ARL10: variants seen among roughly 807,000 people sequenced by gnomAD.
ARL10 encodes the protein ADP-ribosylation factor-like protein 10.
Under a neutral mutation model 26.1 loss-of-function variants are expected in ARL10, and 23 were observed. The ratio of observed to expected loss-of-function variants is 0.88; its 90% CI spans 0.63 to 1.25. The LOEUF (loss-of-function observed/expected upper bound fraction) is 1.25. Ranked by LOEUF, ARL10 falls within the 50% of genes most tolerant of loss-of-function variation. The pLI, the probability that ARL10 is intolerant of heterozygous loss-of-function variation, is 0.00. For missense variants in ARL10, 300 were observed against 323.6 expected, an observed-to-expected ratio of 0.93 and a Z score of 0.56; for synonymous variants, 138 against 149.1, an observed-to-expected ratio of 0.93 and a Z score of 0.54.
chr5:176,384,525 G>T, downstream of ARL10: 2 of 743,034 alleles, frequency 2.7e-6, no homozygotes, highest in East Asian at 2.6e-5. Flanking sequence ...AGTGGCTCAT[G>T]CCTGTAATCC....
At chr5:176,388,461 G>C (rs762354832) in exon 2 of ARL10, 1 of 1,614,186 alleles carries the variant, frequency 6.2e-7, no homozygotes, top group Non-Finnish European at 8.5e-7. Flanking sequence ...GCCTTCCGTC[G>C]AGCATTCCGG....
intron 1 of ARL10, among the ~76,000 whole-genome samples, chr5:176,394,772 G>A (rs887033355): frequency 5.9e-5 from 9 of 151,842 alleles, no homozygotes; most frequent in African/African-American, 1.9e-4. Flanking sequence ...CTGAGATCAT[G>A]CCACTGCACT....
In ARL10 at chr5:176,372,177, T is replaced by G; in HGVS notation, c.*282T>G. ...ATGTGGATCCAGCTTTCCCTTCTCTTACCTGTACAGTGAGATGCTCAGTGG... is the reference window on the plus strand; with the variant it reads ...ATGTGGATCCAGCTTTCCCTTCTCTGACCTGTACAGTGAGATGCTCAGTGG... On this transcript the variant is annotated 3_prime_UTR_variant, in exon 4 of 4. Transcript: ENST00000310389. 1 of 1,021,874 alleles carries G rather than the reference T, an allele frequency of 9.8e-7. No homozygotes were observed. The highest frequency in any genetic ancestry group is 1.3e-6 in the Non-Finnish European group (1 of 768,536). The allele number at this position is 1,021,874 out of a possible 1,614,324, so 63.3% of individuals were successfully genotyped here.
At chr5:176,410,440 G>GAT in the ARL10 span, 10 of 649,390 alleles carry the variant, frequency 1.5e-5, no homozygotes, top group Admixed American at 2.6e-5. Flanking sequence ...AGACATAATG[G>GAT]ATATATATAT....
chr5:176,409,176 G>A, the ARL10 span, among the ~76,000 whole-genome samples: 3 of 151,174 alleles, frequency 2.0e-5, no homozygotes, highest in Admixed American at 1.3e-4. Context: ...CGGTTTCACC[G>A]TGTTAGCCAG....
chr5:176,387,023 T>C (rs906097508), intron 1 of ARL10: 16 of 839,006 alleles, frequency 1.9e-5, no homozygotes, highest in African/African-American at 1.5e-4. Flanking sequence ...CACGGTTAGG[T>C]AGAAGTAGGT....
intron 1 of ARL10, among the ~76,000 whole-genome samples, chr5:176,394,882 T>C (rs577142216): frequency 6.6e-6 from 1 of 152,062 alleles, no homozygotes; most frequent in Non-Finnish European, 1.5e-5. Context: ...GGGTGCTCTC[T>C]GGGCCATTTC....
downstream of ARL10, among the ~76,000 whole-genome samples, chr5:176,391,943 T>A (rs775897245): frequency 2.6e-5 from 4 of 152,200 alleles, no homozygotes; most frequent in Non-Finnish European, 4.4e-5. Flanking sequence ...TTTTTAAACA[T>A]CATGCAGGTC....
chr5:176,393,049 C>T, downstream of ARL10: 3 of 1,300,612 alleles, frequency 2.3e-6, no homozygotes, highest in Non-Finnish European at 3.3e-6. This position sits in a 1 kb window ranked among gnomAD's most constrained non-coding sequence, Gnocchi z 4.4. Flanking sequence ...ACTGTGTCCT[C>T]CCCAGCCTTG....
rs767722802 is a variant in ARL10, at chr5:176,368,900, G to A, written c.479G>A (p.Arg160Gln). 2.1e-5 allele frequency: 34 copies of A among 1,614,022 alleles called. 1 individual carries two copies. The highest frequency in any genetic ancestry group is 4.0e-5 in the African/African-American group (3 of 74,950). ...VFVVDSADRLRLPWARQELHK... is the reference protein window; with the variant it reads ...VFVVDSADRLQLPWARQELHK... ...GTGGTGGACTCGGCTGACCGACTGC[G>A]GCTGCCCTGGGCCCGACAGGAGCTG... Residue 160 changes from arginine (R) to glutamine (Q), a missense_variant, in exon 3 of 4, where the codon CGG becomes CAG. Physicochemically the swap from Arg to Gln is conservative, Grantham distance 43. Transcript: ENST00000310389. This position sits in a 1 kb window ranked among gnomAD's most constrained non-coding sequence, Gnocchi z 4.1.
chr5:176,397,647 G>T, intron 1 of ARL10: 1 of 1,612,024 alleles, frequency 6.2e-7, no homozygotes, highest in South Asian at 1.1e-5. Context: ...TCACTCTGGC[G>T]CTGGTTCCAC....
chr5:176,390,182 CAAAA>C (rs60632467), downstream of ARL10, among the ~76,000 whole-genome samples: 355 of 65,220 alleles, frequency 5.4e-3, 5 homozygotes, highest in East Asian at 0.051. Context: ...AACTCCATCT[CAAAA>C]AAAAAAAAAA....
downstream of ARL10, chr5:176,386,575 G>C (rs1755859781): frequency 1.9e-6 from 1 of 529,708 alleles, no homozygotes; most frequent in Non-Finnish European, 3.5e-6. Context: ...AGATTTACTG[G>C]TTTCTCTTCT....
Position 176,368,117 on chromosome 5 carries a change from C to T in ARL10, c.386-690C>T, listed in dbSNP as rs1180938390. ...AAACATAGCCAGAAACACTAGGGTG[C>T]GGGGTGACCAATGGGACTGTGCAGA... On this transcript the variant is annotated intron_variant, in intron 2 of 3. Transcript: ENST00000310389. This position sits in a 1 kb window ranked among gnomAD's most constrained non-coding sequence, Gnocchi z 4.1. 8.4e-6 allele frequency: 4 copies of T among 478,710 alleles called. No homozygotes were observed. The highest frequency in any genetic ancestry group is 2.2e-5 in the Admixed American group (1 of 46,140). The allele number at this position is 478,710 out of a possible 1,614,324, so 29.7% of individuals were successfully genotyped here. A position where few individuals can be genotyped will look rare whatever the true frequency, so the allele number is the denominator to read the frequency against.
intron 1 of ARL10, 29 bp from the exon 2 acceptor site, chr5:176,366,351 G>A: frequency 6.3e-7 from 1 of 1,586,884 alleles, no homozygotes; most frequent in Non-Finnish European, 8.5e-7. Flanking sequence ...GAGGCCGCCA[G>A]CCGCAACCTT....
At chr5:176,401,659 T>G (rs1561794920) in intron 1 of ARL10, 2 of 449,768 alleles carry the variant, frequency 4.4e-6, no homozygotes, top group South Asian at 3.1e-5. Context: ...GGCTGCCTCC[T>G]GCAATCGTCA....
At chr5:176,383,994 C>G, downstream of ARL10, 5 of 1,535,124 alleles carry the variant, frequency 3.3e-6, no homozygotes, top group Non-Finnish European at 4.4e-6. Context: ...CATCACCCAC[C>G]CTGAAAACAG....
At position 176,366,502 on chromosome 5, in the gene ARL10, G is replaced by T. The variant is rs746670236; in HGVS notation, c.306G>T (p.Pro102=). The T allele has an allele frequency of 6.2e-7, 1 of 1,613,988 alleles. No individual in the cohort carries two copies. Among genetic ancestry groups the T allele is most frequent in the Non-Finnish European group, 8.5e-7 (1 of 1,180,030 alleles). Residue 102 remains proline (P), a synonymous_variant, in exon 2 of 4, where the codon CCG becomes CCT. Coordinates refer to ENST00000310389, the MANE Select transcript of ARL10 (RefSeq NM_173664.6). ...TGCGCGTGTTGTCGGGGAAGCCACC[G>T]CTGGAAGGCCACATCCCCACCTGGG... ...TFLRVLSGKP[P]LEGHIPTWGF... is the part of the protein sequence containing the mutation.
At chr5:176,412,567 C>T in the ARL10 span, among the ~76,000 whole-genome samples, 1 of 152,316 alleles carries the variant, frequency 6.6e-6, no homozygotes, top group African/African-American at 2.4e-5. Flanking sequence ...GGTTAATAGG[C>T]AGATGGACAA....
Sources: gnomAD v4.1 joint callset for allele counts (sites outside exome capture counted in the v4.1 genomes callset) on GRCh38, gnomAD v4.1.1 for gene constraint, Gnocchi (gnomAD v3.1) non-coding constraint, MANE v1.5 for transcripts, NCBI Gene and HGNC (gene_info 2026-07-23, HGNC 2026-07-21) for gene names.